BEND6: variants seen among roughly 807,000 people sequenced by gnomAD.
The protein encoded by BEND6 is BEN domain containing 6, also known as BEN domain-containing protein 6.
Under a neutral mutation model 31.8 loss-of-function variants are expected in BEND6, and 24 were observed. That is an observed-to-expected ratio of 0.75 (90% CI 0.55 to 1.06). The LOEUF is 1.06. BEND6 is among the 50% of genes least tolerant of loss of function. BEND6 has a pLI of 0.00. For missense variants in BEND6, 294 were observed against 327.4 expected (o/e 0.90, Z 0.79); for synonymous variants, 109 against 114.6 (o/e 0.95, Z 0.31).
intron 2 of BEND6, among the ~76,000 whole-genome samples, chr6:56,986,393 G>A (rs1826274512): frequency 6.6e-6 from 1 of 151,962 alleles, no homozygotes; most frequent in East Asian, 1.9e-4. Context: ...AGCTAAAATT[G>A]TGTCACTGCA....
chr6:57,005,071 G>A (rs1364597583), intron 3 of BEND6, among the ~76,000 whole-genome samples: 2 of 152,316 alleles, frequency 1.3e-5, no homozygotes, highest in East Asian at 1.9e-4. Flanking sequence ...GTGGAGGCCT[G>A]TAGGATAGGT....
At chr6:56,967,275 T>G (rs1429267210) in intron 1 of BEND6, among the ~76,000 whole-genome samples, 5 of 152,034 alleles carry the variant, frequency 3.3e-5, no homozygotes, top group Non-Finnish European at 7.4e-5. Context: ...GTGGGCTGAG[T>G]ATAGGGAAAC....
intron 6 of BEND6, among the ~76,000 whole-genome samples, chr6:57,025,126 C>A (rs944295436): frequency 6.6e-6 from 1 of 152,086 alleles, no homozygotes. Context: ...TTTCTGTTTT[C>A]TGGGAGGTCA....
chr6:57,000,736 C>A (rs997977123), intron 3 of BEND6, among the ~76,000 whole-genome samples: 10 of 150,888 alleles, frequency 6.6e-5, no homozygotes, highest in Admixed American at 1.3e-4. Context: ...GGCTGGGAGG[C>A]GATTCCTTTC....
intron 6 of BEND6, among the ~76,000 whole-genome samples, chr6:57,024,387 G>T (rs146999258): frequency 6.6e-6 from 1 of 152,286 alleles, no homozygotes; most frequent in African/African-American, 2.4e-5. Flanking sequence ...GATTTCTTAT[G>T]AGACTGTTGG....
chr6:56,971,764 T>C (rs1825697149), intron 1 of BEND6, among the ~76,000 whole-genome samples: 1 of 152,206 alleles, frequency 6.6e-6, no homozygotes, highest in Non-Finnish European at 1.5e-5. Context: ...GCCATTTGTA[T>C]ATCTTCTATG....
chr6:57,018,710 C>T (rs375690131), intron 6 of BEND6, among the ~76,000 whole-genome samples, 153 bp downstream of exon 6: 9 of 152,124 alleles, frequency 5.9e-5, no homozygotes, highest in South Asian at 2.1e-4. Context: ...AAGGGGAGAA[C>T]TGGGAGTGGG....
chr6:57,015,912 A>C (rs992320055), intron 4 of BEND6, among the ~76,000 whole-genome samples: 1 of 152,124 alleles, frequency 6.6e-6, no homozygotes, highest in Non-Finnish European at 1.5e-5. Flanking sequence ...TTCTCTGAGG[A>C]AGTCAAGATC....
chr6:56,976,387 A>G (rs761915620), intron 1 of BEND6, among the ~76,000 whole-genome samples: 6 of 151,530 alleles, frequency 4.0e-5, no homozygotes, highest in South Asian at 2.1e-4. Flanking sequence ...AGTGGAGACA[A>G]TGTTTCACCG....
chr6:56,968,835 G>A (rs1176274729), intron 1 of BEND6, among the ~76,000 whole-genome samples: 1 of 152,074 alleles, frequency 6.6e-6, no homozygotes, highest in African/African-American at 2.4e-5. Flanking sequence ...CAGCACTTTA[G>A]GAGGCTGAAG....
chr6:56,961,819 G>C (rs1234908790), intron 1 of BEND6, among the ~76,000 whole-genome samples: 1 of 152,192 alleles, frequency 6.6e-6, no homozygotes, highest in African/African-American at 2.4e-5. Context: ...TGCAGACCTG[G>C]TAATTGGTGC....
intron 3 of BEND6, among the ~76,000 whole-genome samples, chr6:56,994,457 CAAAAAAAAA>C (rs67871242): frequency 1.3e-4 from 7 of 54,858 alleles, no homozygotes; most frequent in Admixed American, 3.1e-4. Context: ...GACTCCATCT[CAAAAAAAAA>C]AAAAAAAAAA....
chr6:56,968,943 C>T (rs1191261200), intron 1 of BEND6, among the ~76,000 whole-genome samples: 1 of 151,902 alleles, frequency 6.6e-6, no homozygotes, highest in Non-Finnish European at 1.5e-5. Flanking sequence ...GCCGTGGTGG[C>T]AGGCGCCAGT....
intron 1 of BEND6, among the ~76,000 whole-genome samples, chr6:56,978,782 TGA>T (rs1273302042): frequency 1.3e-5 from 2 of 152,216 alleles, no homozygotes; most frequent in African/African-American, 4.8e-5. Context: ...TTTTTGTGAA[TGA>T]GACTGTTGTT....
chr6:56,989,059 CAA>C (rs1826394185), intron 2 of BEND6, among the ~76,000 whole-genome samples: 1 of 150,768 alleles, frequency 6.6e-6, no homozygotes, highest in Admixed American at 6.6e-5. Flanking sequence ...TAAATAATAA[CAA>C]TAATAGTTTT....
chr6:56,957,638 T>C (rs1406173987), intron 1 of BEND6, among the ~76,000 whole-genome samples: 3 of 152,204 alleles, frequency 2.0e-5, no homozygotes, highest in African/African-American at 7.2e-5. Context: ...AAAAAATTGT[T>C]AAGTTTGAGG....
At chr6:56,988,994 G>GCACT (rs1380840735) in intron 2 of BEND6, among the ~76,000 whole-genome samples, 1 of 152,068 alleles carries the variant, frequency 6.6e-6, no homozygotes, top group Non-Finnish European at 1.5e-5. Flanking sequence ...TCGTGCCACT[G>GCACT]CACTCCATCC....
intron 2 of BEND6, among the ~76,000 whole-genome samples, chr6:56,985,249 A>G (rs903683189): frequency 4.6e-5 from 7 of 152,188 alleles, no homozygotes; most frequent in Non-Finnish European, 8.8e-5. Flanking sequence ...TGGGTACTCA[A>G]TTTTGGACTA....
chr6:57,013,337 C>A (rs532214414), intron 3 of BEND6, among the ~76,000 whole-genome samples: 4 of 152,286 alleles, frequency 2.6e-5, no homozygotes, highest in Non-Finnish European at 5.9e-5. Flanking sequence ...TTTCCACATA[C>A]GTGAGGCTTT....
Sources: allele counts gnomAD v4.1 joint callset (sites outside exome capture counted in the v4.1 genomes callset), GRCh38; gene constraint gnomAD v4.1.1; transcripts MANE v1.5; gene names NCBI Gene and HGNC (gene_info 2026-07-23, HGNC 2026-07-21).